Variants in RSPH14 observed in about 807,000 individuals in gnomAD.
RSPH14 encodes the protein radial spoke head 14 homolog, also known as rhabdoid tumor deletion region gene 1.
RSPH14 carries 20 observed loss-of-function variants against 26.7 expected under a neutral mutation model. The observed-to-expected ratio is 0.75, with a 90% CI of 0.53 to 1.09. The LOEUF is 1.09. Among genes scored for constraint, RSPH14 ranks in the 50% least tolerant of loss-of-function variants. The pLI is 0.00. For synonymous variants in RSPH14, 177 were observed against 189.3 expected (o/e 0.93, Z 0.53); for missense variants, 449 against 457.2 (o/e 0.98, Z 0.16).
intron 4 of RSPH14, among the ~76,000 whole-genome samples, chr22:23,068,766 AC>A (rs2068269534): frequency 6.6e-6 from 1 of 152,162 alleles, no homozygotes; most frequent in African/African-American, 2.4e-5. Flanking sequence ...CCACCCTCTG[AC>A]CACAGTCTGT....
At chr22:23,160,933 C>T in the RSPH14 span, 14 of 1,613,858 alleles carry the variant, frequency 8.7e-6, no homozygotes, top group Admixed American at 1.7e-5. Context: ...TTCGAGCAGT[C>T]GGTGCTGCAG....
the RSPH14 span, chr22:23,161,686 TTCCAGTCCC>T: frequency 1.2e-6 from 1 of 815,332 alleles, no homozygotes; most frequent in South Asian, 1.7e-5. Context: ...TAGGCCCATG[TTCCAGTCCC>T]TCCACCCACC....
chr22:23,085,857 C>T (rs1379122469), intron 4 of RSPH14, among the ~76,000 whole-genome samples: 1 of 152,232 alleles, frequency 6.6e-6, no homozygotes, highest in Non-Finnish European at 1.5e-5. Flanking sequence ...TAACCCTTCC[C>T]CAGAGGAAGG....
At chr22:23,171,852 AAAC>A in the RSPH14 span, among the ~76,000 whole-genome samples, 4,661 of 81,122 alleles carry the variant, frequency 0.057, 405 homozygotes, top group African/African-American at 0.18. Flanking sequence ...CAAAAAAAAA[AAAC>A]AAAAAAAAAA....
Position 23,096,869 on chromosome 22 carries a change from C to T in RSPH14, c.422-32736G>A, listed in dbSNP as rs78191361. Among the ~76,000 whole-genome samples the T allele has an allele frequency of 3.3e-3, 508 of 152,296 alleles. 1 individual carries two copies. The highest frequency in any genetic ancestry group is 0.012 in the African/African-American group (481 of 41,540). ...CCAGGTCCTGGTGGAAAGGGGACGACGTAAAAGCAGGTGTTGGGATTCTTT... is the reference window on the plus strand; with the variant it reads ...CCAGGTCCTGGTGGAAAGGGGACGATGTAAAAGCAGGTGTTGGGATTCTTT... On this transcript the variant is annotated intron_variant, in intron 4 of 6. Transcript: ENST00000216036.
chr22:23,080,053 C>T (rs903783891), intron 4 of RSPH14, among the ~76,000 whole-genome samples: 4 of 152,132 alleles, frequency 2.6e-5, no homozygotes, highest in African/African-American at 9.7e-5. Context: ...GAGCCAGGAG[C>T]CTGGGGCTAC....
chr22:23,145,411 A>T, upstream of RSPH14: 1 of 1,610,202 alleles, frequency 6.2e-7, no homozygotes, highest in Non-Finnish European at 8.5e-7. Flanking sequence ...CGCCGCTGCC[A>T]GTCCAACGCA....
the RSPH14 span, chr22:23,150,072 C>T: frequency 1.9e-6 from 3 of 1,609,174 alleles, no homozygotes; most frequent in South Asian, 3.3e-5. Context: ...GTGGTACACG[C>T]CGGAAGCCTG....
the RSPH14 span, chr22:23,158,821 G>C: frequency 7.5e-7 from 1 of 1,328,384 alleles, no homozygotes; most frequent in South Asian, 1.2e-5. Context: ...CCCTGGGGAG[G>C]TCCCAAGTGT....
Position 23,119,441 on chromosome 22 carries a change from G to T in RSPH14, c.421+14585C>A, listed in dbSNP as rs373096214. On this transcript the variant is annotated intron_variant, in intron 4 of 6. Transcript: ENST00000216036. ...GTTCTTCAGCCTCCCGCTCTGTCTT[G>T]TCCCCCATCTCTGAGAGCTGCAGGC... Among the ~76,000 whole-genome samples the T allele has an allele frequency of 3.1e-4, 47 of 152,246 alleles. No homozygotes were observed. The South Asian group carries it at 8.9e-3, about 29-fold the overall frequency.
At chr22:23,062,013 C>A in intron 5 of RSPH14, 68 bp from the exon 6 acceptor site, 1 of 1,579,676 alleles carries the variant, frequency 6.3e-7, no homozygotes, top group East Asian at 2.3e-5. Flanking sequence ...CCCAGGAGTG[C>A]CCCAGGGAGA....
chr22:23,131,636 C>G (rs1243597638), intron 4 of RSPH14: 1 of 1,304,104 alleles, frequency 7.7e-7, no homozygotes, highest in Admixed American at 2.3e-5. Flanking sequence ...TCTCCACACT[C>G]CAAGAATGAG....
At chr22:23,151,106 G>C in the RSPH14 span, among the ~76,000 whole-genome samples, 1 of 152,256 alleles carries the variant, frequency 6.6e-6, no homozygotes, top group African/African-American at 2.4e-5. Flanking sequence ...GGGTCACAGA[G>C]GTGCGATGAG....
chr22:23,180,548 T>C, the RSPH14 span: 3 of 185,376 alleles, frequency 1.6e-5, no homozygotes, highest in East Asian at 2.7e-4. Context: ...GAGAGCCGGC[T>C]GGCTGAGCTT....
chr22:23,106,199 A>C (rs1018050950), intron 4 of RSPH14, among the ~76,000 whole-genome samples: 1 of 152,244 alleles, frequency 6.6e-6, no homozygotes, highest in Non-Finnish European at 1.5e-5. Context: ...ATTTGGACCT[A>C]AGACCCTGCA....
At chr22:23,095,595 G>C in intron 4 of RSPH14, 1 of 1,360,496 alleles carries the variant, frequency 7.4e-7, no homozygotes, top group Non-Finnish European at 9.9e-7. Context: ...AGTGCCTCCA[G>C]GGCAGCTGGG....
At position 23,084,918 on chromosome 22, in the gene RSPH14, G is replaced by A. The variant is rs11705217; in HGVS notation, c.422-20785C>T. On this transcript the variant is annotated intron_variant, in intron 4 of 6. Coordinates refer to ENST00000216036, the MANE Select transcript of RSPH14 (RefSeq NM_014433.3). Reference sequence around the variant, plus strand: ...TACCATCGCATGTCCAGGTGACATCGCACGTCCAGGTGCCATTGCACACTG... The same window carrying A: ...TACCATCGCATGTCCAGGTGACATCACACGTCCAGGTGCCATTGCACACTG... Among the ~76,000 whole-genome samples the A allele has an allele frequency of 2.9e-3, 441 of 152,316 alleles. 1 individual carries two copies. The highest frequency in any genetic ancestry group is 4.8e-3 in the South Asian group (23 of 4,822).
intron 4 of RSPH14, among the ~76,000 whole-genome samples, chr22:23,097,643 G>C (rs371387295): frequency 1.3e-5 from 2 of 152,384 alleles, no homozygotes; most frequent in East Asian, 3.9e-4. Flanking sequence ...TGCTCTCCAG[G>C]GTTCTGGCCC....
intron 4 of RSPH14, among the ~76,000 whole-genome samples, chr22:23,126,769 C>T (rs1459449261): frequency 1.3e-5 from 2 of 152,216 alleles, no homozygotes; most frequent in East Asian, 1.9e-4. Context: ...CTGCCCACTG[C>T]AGGTGACTAA....
Sources: allele counts gnomAD v4.1 joint callset (sites outside exome capture counted in the v4.1 genomes callset), GRCh38; gene constraint gnomAD v4.1.1; transcripts MANE v1.5; gene names NCBI Gene and HGNC (gene_info 2026-07-23, HGNC 2026-07-21).